The following PCDHGA3 variants were observed in gnomAD, a reference collection of about 807,000 sequenced individuals.
PCDHGA3 encodes protocadherin gamma subfamily A, 3, also known as protocadherin gamma-A3.
PCDHGA3 carries 40 observed loss-of-function variants against 58.5 expected under a neutral mutation model. That is an observed-to-expected ratio of 0.68 (90% CI 0.53 to 0.89). The LOEUF (loss-of-function observed/expected upper bound fraction) is 0.89, where lower values mean the gene tolerates loss of function less well. Ranked by LOEUF, PCDHGA3 falls within the 40% of genes least tolerant of loss-of-function variation. The pLI, the probability that PCDHGA3 is intolerant of heterozygous loss-of-function variation, is 0.00. For synonymous variants in PCDHGA3, 530 were observed against 525.7 expected, an observed-to-expected ratio of 1.01 and a Z score of -0.11; for missense variants, 1,223 against 1,195.9, an observed-to-expected ratio of 1.02 and a Z score of -0.33.
chr5:141,346,590 C>T, intron 1 of PCDHGA3, 133 bp downstream of exon 1: 4 of 1,363,694 alleles, frequency 2.9e-6, no homozygotes, highest in Non-Finnish European at 4.0e-6. Context: ...ATTTGTCCCC[C>T]TTTCTTTCTG....
rs780436102 is a variant in PCDHGA3 at position 141,431,846 on chromosome 5, G to T, written c.2425-62961G>T. On this transcript the variant is annotated intron_variant, in intron 1 of 3. Coordinates refer to ENST00000253812, the MANE Select transcript of PCDHGA3 (RefSeq NM_018916.4). The surrounding 1 kb of genome is among the most constrained non-coding windows in gnomAD (Gnocchi z 4.8). ...CTCGGTTCCCGAAAACTCTCCCAGA[G>T]GGACATTAATTGCCCTTTTAAATGT... 4 of 1,614,274 alleles carry T rather than the reference G, an allele frequency of 2.5e-6. No homozygotes were observed. The South Asian group carries it at 4.4e-5, about 18-fold the overall frequency.
intron 1 of PCDHGA3, chr5:141,360,144 G>A (rs1761438795): frequency 6.3e-7 from 1 of 1,596,148 alleles, no homozygotes; most frequent in Non-Finnish European, 8.6e-7. Context: ...AGATGAAAGC[G>A]AGCTCAGGGA....
chr5:141,394,778 C>A (rs377451053), intron 1 of PCDHGA3: 82 of 1,613,634 alleles, frequency 5.1e-5, no homozygotes, highest in Admixed American at 3.7e-4. Context: ...CCCCTCTCTC[C>A]GCCACTGTCA....
chr5:141,455,448 C>T (rs1403500578), intron 1 of PCDHGA3, among the ~76,000 whole-genome samples: 1 of 152,112 alleles, frequency 6.6e-6, no homozygotes, highest in African/African-American at 2.4e-5. Context: ...CCATCTACCG[C>T]GGATACCAGC....
chr5:141,389,853 A>G, intron 1 of PCDHGA3: 1 of 1,614,050 alleles, frequency 6.2e-7, no homozygotes, highest in South Asian at 1.1e-5. Context: ...GGCCACTGCC[A>G]CGTTGCACCT....
chr5:141,468,486 TG>T (rs1562016448), intron 1 of PCDHGA3: 14 of 152,288 alleles, frequency 9.2e-5, no homozygotes. Context: ...GTAGGTCTCA[TG>T]GAAGATTTTC....
chr5:141,404,214 C>T lies in PCDHGA3; in HGVS notation c.2424+57757C>T, dbSNP rs1169013129. On this transcript the variant is annotated intron_variant, in intron 1 of 3. Coordinates refer to ENST00000253812, the MANE Select transcript of PCDHGA3 (RefSeq NM_018916.4). ...GAAAAAGCCTCAGAATATAATATCA[C>T]GGTGACTGCAACAGACAGAGGAACT... 11 of 1,613,562 alleles carry T rather than the reference C, an allele frequency of 6.8e-6. No individual in the cohort carries two copies. In the Admixed American group the frequency reaches 1.3e-4, roughly 20 times the overall value.
chr5:141,423,310 G>C, intron 1 of PCDHGA3: 2 of 1,614,180 alleles, frequency 1.2e-6, no homozygotes, highest in Non-Finnish European at 1.7e-6. Context: ...GCTGTACTTG[G>C]TGGTGGCGGT....
chr5:141,419,391 G>A, intron 1 of PCDHGA3: 1 of 1,613,630 alleles, frequency 6.2e-7, no homozygotes. Flanking sequence ...AGCGCGCAGA[G>A]CGGGGTGGTG....
chr5:141,395,544 G>T (rs1352260391), intron 1 of PCDHGA3: 4 of 11,560 alleles, frequency 3.5e-4, no homozygotes, highest in African/African-American at 5.6e-4. Flanking sequence ...GCTATTGTTT[G>T]TGTGTGTGTG....
At chr5:141,356,830 A>C in intron 1 of PCDHGA3, 1 of 1,614,156 alleles carries the variant, frequency 6.2e-7, no homozygotes, top group Non-Finnish European at 8.5e-7. Flanking sequence ...TCCACTCAGC[A>C]GCAATGTGTC....
intron 1 of PCDHGA3, chr5:141,413,033 T>C: frequency 1.3e-6 from 1 of 776,760 alleles, no homozygotes; most frequent in Non-Finnish European, 2.0e-6. Context: ...ACAAACCGGC[T>C]GCTGGGCTGC....
intron 1 of PCDHGA3, chr5:141,394,385 G>C: frequency 6.2e-7 from 1 of 1,614,206 alleles, no homozygotes. Context: ...ACTATGAGCA[G>C]ATCCGAGACC....
intron 1 of PCDHGA3, chr5:141,378,737 T>C (rs982541693): frequency 3.3e-5 from 5 of 152,152 alleles, no homozygotes; most frequent in African/African-American, 1.2e-4. Flanking sequence ...TATTGAAATA[T>C]TTCAAGAAAA....
chr5:141,382,783 C>A, intron 1 of PCDHGA3: 1 of 871,086 alleles, frequency 1.1e-6, no homozygotes. Flanking sequence ...TAAACTCAAG[C>A]CTCTATCCTG....
At chr5:141,436,471 A>G (rs1249793994) in intron 1 of PCDHGA3, among the ~76,000 whole-genome samples, 1 of 152,204 alleles carries the variant, frequency 6.6e-6, no homozygotes, top group Non-Finnish European at 1.5e-5. Flanking sequence ...TTTCAGATGT[A>G]TCATAGAAGG....
chr5:141,412,930 C>A, intron 1 of PCDHGA3: 1 of 451,594 alleles, frequency 2.2e-6, no homozygotes, highest in Non-Finnish European at 3.9e-6. Context: ...GCAGTAACTT[C>A]TTAGGACTCT....
chr5:141,489,086 G>A lies in PCDHGA3; in HGVS notation c.2425-5721G>A, dbSNP rs2233599. ...CCCCCCTGCCCACCCCCGCCACTCG[G>A]TGACTAAGAACTGCTGCAAGCAGGC... On this transcript the variant is annotated intron_variant, in intron 1 of 3. Coordinates refer to ENST00000253812, the MANE Select transcript of PCDHGA3 (RefSeq NM_018916.4). The surrounding 1 kb of genome is among the most constrained non-coding windows in gnomAD (Gnocchi z 4.5). 2.2e-3 allele frequency: 754 copies of A among 340,206 alleles called. 5 individuals carry two copies. Among genetic ancestry groups the A allele is most frequent in the African/African-American group, 0.018 (712 of 39,726 alleles). 21.1% of individuals were successfully genotyped at this position (340,206 alleles called of 1,614,324 possible).
chr5:141,400,144 G>A, intron 1 of PCDHGA3: 1 of 1,614,068 alleles, frequency 6.2e-7, no homozygotes, highest in Non-Finnish European at 8.5e-7. Context: ...GGATATCACT[G>A]ACCGCCCTGT....
Sources: gnomAD v4.1 joint callset for allele counts (sites outside exome capture counted in the v4.1 genomes callset) on GRCh38, gnomAD v4.1.1 for gene constraint, Gnocchi (gnomAD v3.1) non-coding constraint, MANE v1.5 for transcripts, NCBI Gene and HGNC (gene_info 2026-07-23, HGNC 2026-07-21) for gene names.